KIFC1: variants seen among roughly 807,000 people sequenced by gnomAD.
The protein encoded by KIFC1 is kinesin-like protein KIFC1.
KIFC1 carries 37 observed loss-of-function variants against 66.6 expected under a neutral mutation model. The observed-to-expected ratio is 0.56, with a 90% CI of 0.43 to 0.73. The LOEUF (loss-of-function observed/expected upper bound fraction) is 0.73. Among genes scored for constraint, KIFC1 ranks in the 30% least tolerant of loss-of-function variants. The pLI is 0.00. For missense variants in KIFC1, 721 were observed against 859.8 expected (o/e 0.84, Z 2.02); for synonymous variants, 325 against 343.5 (o/e 0.95, Z 0.60).
At position 33,401,514 on chromosome 6, in the gene KIFC1, A is replaced by G. The variant is rs1227299551; in HGVS notation, c.251-1800A>G. 6.6e-6 allele frequency among the ~76,000 whole-genome samples: 1 copy of G among 152,148 alleles called. No individual in the cohort carries two copies. Among genetic ancestry groups the G allele is most frequent in the African/African-American group, 2.4e-5 (1 of 41,432 alleles). ...AGCTTAAATTTGAAAAATTTTAAAT[A>G]TTATTTTGCTTTTCAAACTTTTTGT... On this transcript the variant is annotated intron_variant, in intron 3 of 10. Transcript: ENST00000428849. This position sits in a 1 kb window ranked among gnomAD's most constrained non-coding sequence, Gnocchi z 4.5.
Position 33,398,176 on chromosome 6 carries a change from G to A in KIFC1, c.150+10G>A, listed in dbSNP as rs371690472. On this transcript the variant is annotated intron_variant, in intron 2 of 10. Transcript: ENST00000428849. ...CCTGGAGCCTGAGAAGGTGAGCTGG[G>A]CATGGAGAGCTGTGCATGTGTGTGG... 5.0e-6 allele frequency: 8 copies of A among 1,614,156 alleles called. No individual in the cohort carries two copies. The African/African-American group carries it at 6.7e-5, about 13-fold the overall frequency.
At chr6:33,397,954 C>A in intron 1 of KIFC1, 75 bp from the exon 2 acceptor site, 1 of 1,530,208 alleles carries the variant, frequency 6.5e-7, no homozygotes, top group East Asian at 2.3e-5. Flanking sequence ...ACAATTGAGG[C>A]TGGGGGCCAA....
In KIFC1 at chr6:33,404,942, C is replaced by A; in HGVS notation, c.847C>A (p.Leu283Met). ...RQETVAQAAL[L>M]TEREERLHGL... ...GGAGACTGTGGCCCAGGCAGCCTTA[C>A]TGACTGAGCGGGAAGAACGTCTTCA... Residue 283 changes from leucine to methionine, a missense_variant, in exon 7 of 11, where the codon CTG becomes ATG. Physicochemically the swap from Leu to Met is conservative, Grantham distance 15. Transcript: ENST00000428849. This position sits in a 1 kb window ranked among gnomAD's most constrained non-coding sequence, Gnocchi z 4.0. 1 of 1,614,150 alleles carries A rather than the reference C, an allele frequency of 6.2e-7. No individual in the cohort carries two copies. Among genetic ancestry groups the A allele is most frequent in the East Asian group, 2.2e-5 (1 of 44,868 alleles).
chr6:33,406,222 C>G lies in KIFC1; in HGVS notation c.1563C>G (p.Arg521=), dbSNP rs776195541. The G allele has an allele frequency of 2.5e-6, 4 of 1,608,980 alleles. No individual in the cohort carries two copies. The highest frequency in any genetic ancestry group is 3.4e-6 in the Non-Finnish European group (4 of 1,176,354). ...TGGACGCCCTGCTTCATCTGGCCCG[C>G]CAGAATCGGGCTGTGGCCCGCACAG... is the stretch of plus-strand genomic sequence containing the variant. ...KEVDALLHLA[R]QNRAVARTAQ... The change falls in exon 8 of 11, where the codon CGC becomes CGG. Residue 521 remains arginine (R), a synonymous_variant. Transcript: ENST00000428849. The surrounding 1 kb of genome is among the most constrained non-coding windows in gnomAD (Gnocchi z 4.5).
chr6:33,400,433 C>A lies in KIFC1; in HGVS notation c.250+2046C>A, dbSNP rs984388617. The A allele has an allele frequency of 1.2e-6, 2 of 1,603,728 alleles. No homozygotes were observed. Among genetic ancestry groups the A allele is most frequent in the Admixed American group, 1.7e-5 (1 of 59,854 alleles). On this transcript the variant is annotated intron_variant, in intron 3 of 10. Transcript: ENST00000428849. This position sits in a 1 kb window ranked among gnomAD's most constrained non-coding sequence, Gnocchi z 4.3. ...GTTGCCTTGGCAATGTCATCACCAA[C>A]CTTTTTTGGAGACAGACCCAGGGGG... is the stretch of plus-strand genomic sequence containing the variant.
chr6:33,406,590 A>G lies in KIFC1; in HGVS notation c.1828-2A>G, dbSNP rs1775670894. 1 of 1,613,980 alleles carries G rather than the reference A, an allele frequency of 6.2e-7. No homozygotes were observed. Among genetic ancestry groups the G allele is most frequent in the Non-Finnish European group, 8.5e-7 (1 of 1,179,988 alleles). ...ACATCTGTCCCCACCTCAATCATCT[A>G]GGAGTCCCACGTGCCTTACCGGAAC... On this transcript the variant is annotated splice_acceptor_variant, in intron 8 of 10. Transcript: ENST00000428849. LOFTEE classifies it high-confidence loss of function. This position sits in a 1 kb window ranked among gnomAD's most constrained non-coding sequence, Gnocchi z 4.5.
intron 10 of KIFC1, among the ~76,000 whole-genome samples, chr6:33,407,577 C>A (rs978491736): frequency 4.6e-5 from 7 of 152,218 alleles, no homozygotes; most frequent in Non-Finnish European, 8.8e-5. Flanking sequence ...ACAAACAAGG[C>A]CACGTTGACT....
In KIFC1 at chr6:33,401,194, G is replaced by T. The variant is rs1775356562; in HGVS notation, c.251-2120G>T. Among the ~76,000 whole-genome samples, 1 of 152,076 alleles carries T rather than the reference G, an allele frequency of 6.6e-6. No homozygotes were observed. The highest frequency in any genetic ancestry group is 6.5e-5 in the Admixed American group (1 of 15,268). ...CTTTCGCCCAGGCTGGAGTGCAATG[G>T]CGTGATCTCGGCTCAGTGTAACCTC... is the stretch of plus-strand genomic sequence containing the variant. On this transcript the variant is annotated intron_variant, in intron 3 of 10. Coordinates refer to ENST00000428849, the MANE Select transcript of KIFC1 (RefSeq NM_002263.4). This position sits in a 1 kb window ranked among gnomAD's most constrained non-coding sequence, Gnocchi z 4.5.
At position 33,403,461 on chromosome 6, in the gene KIFC1, T is replaced by C. The variant is rs1476579869; in HGVS notation, c.305-24T>C. ...GGAGGGACACTGGTCCTGTAATTCCTAAGTCACCTCCTCAATTCTGTAGGG... is the reference window on the plus strand; with the variant it reads ...GGAGGGACACTGGTCCTGTAATTCCCAAGTCACCTCCTCAATTCTGTAGGG... On this transcript the variant is annotated intron_variant, in intron 4 of 10. Coordinates refer to ENST00000428849, the MANE Select transcript of KIFC1 (RefSeq NM_002263.4). The surrounding 1 kb of genome is among the most constrained non-coding windows in gnomAD (Gnocchi z 4.6). 1.2e-6 allele frequency: 2 copies of C among 1,613,700 alleles called. No homozygotes were observed. Among genetic ancestry groups the C allele is most frequent in the Non-Finnish European group, 1.7e-6 (2 of 1,179,554 alleles).
chr6:33,400,307 C>T lies in KIFC1; in HGVS notation c.250+1920C>T. On this transcript the variant is annotated intron_variant, in intron 3 of 10. Coordinates refer to ENST00000428849, the MANE Select transcript of KIFC1 (RefSeq NM_002263.4). This position sits in a 1 kb window ranked among gnomAD's most constrained non-coding sequence, Gnocchi z 4.3. ...CTGTCTCTTGGTGGTTTCTTGAGGG[C>T]TTTGATGATCGGGGCAGAGGCAGAA... The T allele has an allele frequency of 6.3e-7, 1 of 1,579,802 alleles. No homozygotes were observed. The highest frequency in any genetic ancestry group is 8.6e-7 in the Non-Finnish European group (1 of 1,163,290).
At chr6:33,408,609 C>CA (rs1288341904) in intron 10 of KIFC1, among the ~76,000 whole-genome samples, 1 of 152,214 alleles carries the variant, frequency 6.6e-6, no homozygotes, top group African/African-American at 2.4e-5. Context: ...ACAGGAAAAA[C>CA]AAGATAAATG....
rs771178651 is a variant in KIFC1, at chr6:33,405,526, C to G, written c.1431C>G (p.Thr477=). The G allele has an allele frequency of 6.2e-6, 10 of 1,611,698 alleles. No individual in the cohort carries two copies. In the South Asian group the frequency reaches 1.1e-4, roughly 18 times the overall value. ...TCCGGGACCTGCTGGCCACTGGAAC[C>G]CGGAAGGGTCAAGGGGGCGAGTGTG... ...ETVRDLLATG[T]RKGQGGECEI... Residue 477 remains threonine, a synonymous_variant, in exon 7 of 11, where the codon ACC becomes ACG. Transcript: ENST00000428849. This position sits in a 1 kb window ranked among gnomAD's most constrained non-coding sequence, Gnocchi z 5.4.
intron 1 of KIFC1, 106 bp downstream of exon 1, chr6:33,392,103 C>T (rs1774816514): frequency 1.5e-6 from 2 of 1,306,664 alleles, no homozygotes; most frequent in Admixed American, 2.0e-5. Flanking sequence ...TCATGTCTAC[C>T]GGGAGAGCGA....
intron 1 of KIFC1, among the ~76,000 whole-genome samples, chr6:33,395,966 A>G (rs936257893): frequency 6.6e-6 from 1 of 152,192 alleles, no homozygotes. Flanking sequence ...TGAACATTCA[A>G]TTTCATTCCT....
rs985510129 is a variant in KIFC1, at chr6:33,406,627, C to T, written c.1863C>T (p.Thr621=). ...TGCCTTACCGGAACAGCAAACTGAC[C>T]TACCTGCTGCAGAACTCTCTGGGTG... The part of the protein sequence containing the change: ...SHVPYRNSKL[T]YLLQNSLGGS... Residue 621 remains threonine (T), a synonymous_variant, in exon 9 of 11, where the codon ACC becomes ACT. Coordinates refer to ENST00000428849, the MANE Select transcript of KIFC1 (RefSeq NM_002263.4). This position sits in a 1 kb window ranked among gnomAD's most constrained non-coding sequence, Gnocchi z 4.5. 6.2e-7 allele frequency: 1 copy of T among 1,614,108 alleles called. No individual in the cohort carries two copies. The highest frequency in any genetic ancestry group is 1.1e-5 in the South Asian group (1 of 91,070).
At chr6:33,396,914 C>T (rs1386335514) in intron 1 of KIFC1, among the ~76,000 whole-genome samples, 4 of 151,296 alleles carry the variant, frequency 2.6e-5, no homozygotes, top group African/African-American at 7.3e-5. Context: ...GATCTCCTGA[C>T]CTTGTGATCT....
chr6:33,398,453 C>A (rs1431864878), intron 3 of KIFC1, 66 bp downstream of exon 3: 13 of 1,176,894 alleles, frequency 1.1e-5, no homozygotes, highest in Admixed American at 1.9e-5. Context: ...TCACTTGTTT[C>A]TTTTCTTTCA....
Position 33,401,826 on chromosome 6 carries a change from G to C in KIFC1, c.251-1488G>C, listed in dbSNP as rs467065. ...ACACCATTCTCCTGCCTCAGCCTCC[G>C]GAGTAGCTGGGACTACAGGTGCCCG... On this transcript the variant is annotated intron_variant, in intron 3 of 10. Transcript: ENST00000428849. This position sits in a 1 kb window ranked among gnomAD's most constrained non-coding sequence, Gnocchi z 4.5. Among the ~76,000 whole-genome samples the C allele has an allele frequency of 0.31, 47,669 of 151,748 alleles. 8,824 individuals carry two copies. Among genetic ancestry groups the C allele is most frequent in the South Asian group, 0.4 (1,907 of 4,810 alleles).
In KIFC1 at chr6:33,406,680, C is replaced by T; in HGVS notation, c.1901+15C>T. 1 of 1,613,730 alleles carries T rather than the reference C, an allele frequency of 6.2e-7. No homozygotes were observed. The highest frequency in any genetic ancestry group is 1.3e-5 in the African/African-American group (1 of 74,922). ...AGTGCTAAGATGTGAGTGAAAGGGA[C>T]AGATGGAAGGGGTCAGGTAGGAACT... On this transcript the variant is annotated intron_variant, in intron 9 of 10. Coordinates refer to ENST00000428849, the MANE Select transcript of KIFC1 (RefSeq NM_002263.4). This position sits in a 1 kb window ranked among gnomAD's most constrained non-coding sequence, Gnocchi z 4.5.
Sources: allele counts gnomAD v4.1 joint callset (sites outside exome capture counted in the v4.1 genomes callset), GRCh38; gene constraint gnomAD v4.1.1; non-coding constraint Gnocchi (gnomAD v3.1); transcripts MANE v1.5; gene names NCBI Gene and HGNC (gene_info 2026-07-23, HGNC 2026-07-21).